The following PKHD1 variants were observed in gnomAD, a reference collection of about 807,000 sequenced individuals.
PKHD1 encodes the protein fibrocystin.
Under a neutral mutation model 412.0 loss-of-function variants are expected in PKHD1, and 291 were observed. The observed-to-expected ratio is 0.71, with a 90% confidence interval of 0.64 to 0.78. PKHD1 has a LOEUF of 0.78. Ranked by LOEUF, PKHD1 falls within the 30% of genes least tolerant of loss-of-function variation. The probability of loss-of-function intolerance (pLI) is 0.00; values close to 1 mark genes in which losing one functional copy is unlikely to be tolerated. For missense variants in PKHD1, 4,825 were observed against 4,950.7 expected (o/e 0.97, Z 0.76); for synonymous variants, 1,777 against 1,821.5 (o/e 0.98, Z 0.62).
rs548244367 is a variant in PKHD1 at position 51,632,697 on chromosome 6, G to T, written c.11533C>A (p.Pro3845Thr). 44 of 1,613,476 alleles carry T rather than the reference G, an allele frequency of 2.7e-5. No homozygotes were observed. The South Asian group carries it at 3.4e-4, about 12-fold the overall frequency. The change falls in exon 65 of 67, where the codon CCA becomes ACA. Residue 3845 changes from proline to threonine, a missense_variant. Transcript: ENST00000371117. ...PGVNFTARSK[P>T]FAVLPVTRKE... is the part of the protein sequence containing the mutation. ...CTAGTCACAGGCAAGACAGCAAATG[G>T]CTTGGATCGAGCTGTAAAATTGACT...
At chr6:51,857,571 CAATAG>C (rs749553995) in intron 48 of PKHD1, among the ~76,000 whole-genome samples, 4 of 152,126 alleles carry the variant, frequency 2.6e-5, no homozygotes, top group Non-Finnish European at 5.9e-5. Flanking sequence ...ATGGAGGCAA[CAATAG>C]AATAGATCTC....
At position 51,615,787 on chromosome 6, in the gene PKHD1, G is replaced by A. The variant is rs1022163599; in HGVS notation, c.*3294C>T. On this transcript the variant is annotated 3_prime_UTR_variant, in exon 67 of 67. Coordinates refer to ENST00000371117, the MANE Select transcript of PKHD1 (RefSeq NM_138694.4). ...GTTGAAAGGGGAAGGCCCTGAGAGA[G>A]CTCAACTGTTCTTGGTCCTTGGTGG... 1 of 152,160 alleles carries A rather than the reference G, an allele frequency of 6.6e-6. No homozygotes were observed. Among genetic ancestry groups the A allele is most frequent in the African/African-American group, 2.4e-5 (1 of 41,432 alleles). The allele number at this position is 152,160 out of a possible 1,614,324, so 9.4% of individuals were successfully genotyped here.
intron 37 of PKHD1, among the ~76,000 whole-genome samples, chr6:51,924,819 T>C (rs983032035): frequency 6.6e-6 from 1 of 152,134 alleles, no homozygotes; most frequent in African/African-American, 2.4e-5. Context: ...TTTAGACTAA[T>C]AATGGGACAA....
At chr6:51,913,059 T>G (rs1293653997) in intron 37 of PKHD1, among the ~76,000 whole-genome samples, 1 of 152,156 alleles carries the variant, frequency 6.6e-6, no homozygotes, top group Non-Finnish European at 1.5e-5. Flanking sequence ...AAGGGTATGT[T>G]AGTCCTTTCT....
rs765237487 is a variant in PKHD1, at chr6:51,867,881, T to A, written c.7715A>T (p.His2572Leu). The A allele has an allele frequency of 1.9e-6, 3 of 1,613,314 alleles. No homozygotes were observed. In the Admixed American group the frequency reaches 5.0e-5, roughly 27 times the overall value. Residue 2572 changes from histidine (H) to leucine (L), a missense_variant, in exon 48 of 67, where the codon CAT becomes CTT. Transcript: ENST00000371117. ...GSACGGGVLF[H>L]RMSIGLANTP... is the part of the protein sequence containing the mutation. ...CACTTACAAACCAATAGACATACGA[T>A]GAAAAAGAACACCTCCTCCACAGGC...
At chr6:51,669,438 T>G in intron 60 of PKHD1, among the ~76,000 whole-genome samples, 1 of 150,852 alleles carries the variant, frequency 6.6e-6, no homozygotes, top group East Asian at 1.9e-4. Context: ...CTTCTCTCTT[T>G]TTTTCTTTAT....
chr6:51,853,404 G>C (rs1470890153), intron 49 of PKHD1, among the ~76,000 whole-genome samples: 2 of 151,882 alleles, frequency 1.3e-5, no homozygotes, highest in Non-Finnish European at 2.9e-5. Flanking sequence ...ATGGAGTTGG[G>C]GTTGGTCTTC....
At chr6:51,741,384 A>C (rs970374570) in intron 60 of PKHD1, among the ~76,000 whole-genome samples, 7 of 152,096 alleles carry the variant, frequency 4.6e-5, no homozygotes, top group Non-Finnish European at 1.0e-4. Flanking sequence ...TTTTGGTATC[A>C]ATGTTTTTCT....
intron 35 of PKHD1, among the ~76,000 whole-genome samples, chr6:52,002,018 C>T (rs2128100413): frequency 6.6e-6 from 1 of 152,262 alleles, no homozygotes; most frequent in South Asian, 2.1e-4. Flanking sequence ...GTTAAGTGCA[C>T]TACATGCATT....
Position 52,042,978 on chromosome 6 carries a change from T to C in PKHD1, c.2978A>G (p.His993Arg), listed in dbSNP as rs786205582. Reference sequence around the variant, plus strand: ...GGGTCTCACCAACATCAAGATCCGATGCATTCCAACAGGTAGCAAATCTGT... The same window carrying C: ...GGGTCTCACCAACATCAAGATCCGACGCATTCCAACAGGTAGCAAATCTGT... ...CQTDLLPVGM[H>R]RILMLVRPSG... Residue 993 changes from histidine (H) to arginine (R), a missense_variant, in exon 27 of 67, where the codon CAT becomes CGT. By Grantham distance (29) the His-to-Arg change is conservative (BLOSUM62 0). Coordinates refer to ENST00000371117, the MANE Select transcript of PKHD1 (RefSeq NM_138694.4). The C allele has an allele frequency of 2.5e-6, 4 of 1,614,056 alleles. No homozygotes were observed. Among genetic ancestry groups the C allele is most frequent in the South Asian group, 1.1e-5 (1 of 91,080 alleles).
intron 52 of PKHD1, among the ~76,000 whole-genome samples, chr6:51,826,385 C>A (rs1767328628): frequency 6.6e-6 from 1 of 152,132 alleles, no homozygotes; most frequent in South Asian, 2.1e-4. Context: ...CATAAACACA[C>A]AAAGATGCTG....
chr6:51,734,993 T>C (rs145885686), intron 60 of PKHD1, among the ~76,000 whole-genome samples: 302 of 152,314 alleles, frequency 2.0e-3, no homozygotes, highest in African/African-American at 6.9e-3. Flanking sequence ...TAGCTGTATA[T>C]ATATTATGTA....
intron 65 of PKHD1, among the ~76,000 whole-genome samples, chr6:51,632,338 A>C (rs1768028663): frequency 6.6e-6 from 1 of 152,102 alleles, no homozygotes; most frequent in South Asian, 2.1e-4. Flanking sequence ...TTCCATAGTG[A>C]GTATTTAGTT....
Position 51,868,020 on chromosome 6 carries a change from C to T in PKHD1, c.7576G>A (p.Asp2526Asn), listed in dbSNP as rs753051610. Reference sequence around the variant, plus strand: ...TTCCCAGACAGAGACCCATCCAAGTCTTCCAAAATTGCTGCATGAGGAAAT... The same window carrying T: ...TTCCCAGACAGAGACCCATCCAAGTTTTCCAAAATTGCTGCATGAGGAAAT... ...FPFPHAAILEDLDGSLSGKNR... is the reference protein window; with the variant it reads ...FPFPHAAILENLDGSLSGKNR... The change falls in exon 48 of 67, where the codon GAC (aspartate) becomes AAC (asparagine). Residue 2526 changes from aspartate (D) to asparagine (N), a missense_variant. Asp to Asn is a conservative substitution (Grantham distance 23, BLOSUM62 1). Coordinates refer to ENST00000371117, the MANE Select transcript of PKHD1 (RefSeq NM_138694.4). 1.2e-6 allele frequency: 2 copies of T among 1,612,858 alleles called. No homozygotes were observed. Among genetic ancestry groups the T allele is most frequent in the South Asian group, 2.2e-5 (2 of 91,054 alleles).
intron 39 of PKHD1, among the ~76,000 whole-genome samples, chr6:51,910,418 C>T (rs1034403269): frequency 6.6e-6 from 1 of 152,074 alleles, no homozygotes; most frequent in Non-Finnish European, 1.5e-5. Context: ...ATTTGTATGC[C>T]TTATCACAAT....
In PKHD1 at chr6:52,072,100, T is replaced by C. The variant is rs779292163; in HGVS notation, c.602+15A>G. 1.3e-6 allele frequency: 2 copies of C among 1,519,846 alleles called. No individual in the cohort carries two copies. The highest frequency in any genetic ancestry group is 2.2e-5 in the South Asian group (2 of 89,182). The allele number at this position is 1,519,846 out of a possible 1,614,324, so 94.1% of individuals were successfully genotyped here. A position where few individuals can be genotyped will look rare whatever the true frequency, so the allele number is the denominator to read the frequency against. On this transcript the variant is annotated intron_variant, in intron 8 of 66. Coordinates refer to ENST00000371117, the MANE Select transcript of PKHD1 (RefSeq NM_138694.4). ...CTTACAAGCATGTGCATTGGCAAGA[T>C]AATAAGACACTCACCAGCTTCCCAT...
intron 51 of PKHD1, among the ~76,000 whole-genome samples, chr6:51,836,135 C>G (rs1366144856): frequency 2.0e-5 from 3 of 152,182 alleles, no homozygotes; most frequent in African/African-American, 7.2e-5. Flanking sequence ...CCTATGTGCA[C>G]ATATGGTCCA....
At chr6:51,776,979 G>C (rs1791127306) in intron 53 of PKHD1, among the ~76,000 whole-genome samples, 1 of 151,984 alleles carries the variant, frequency 6.6e-6, no homozygotes, top group African/African-American at 2.4e-5. Context: ...ATATGTCTTA[G>C]AGTACAAAAA....
chr6:51,823,623 A>G (rs1766826127), intron 52 of PKHD1, among the ~76,000 whole-genome samples: 1 of 152,148 alleles, frequency 6.6e-6, no homozygotes, highest in South Asian at 2.1e-4. Flanking sequence ...ACAAATTAAG[A>G]TTGGAAAAAG....
Sources: gnomAD v4.1 joint callset for allele counts (sites outside exome capture counted in the v4.1 genomes callset) on GRCh38, gnomAD v4.1.1 for gene constraint, MANE v1.5 for transcripts, NCBI Gene and HGNC (gene_info 2026-07-23, HGNC 2026-07-21) for gene names.